The following GLG1 variants were observed in gnomAD, a reference collection of about 807,000 sequenced individuals.
GLG1 encodes the protein golgi glycoprotein 1.
A neutral mutation model predicts 160.5 loss-of-function variants in GLG1; 38 were observed. The observed-to-expected ratio is 0.24, with a 90% CI of 0.18 to 0.31. GLG1 has a LOEUF of 0.31. Ranked by LOEUF, GLG1 falls within the 10% of genes least tolerant of loss-of-function variation. The pLI is 1.00. For synonymous variants in GLG1, 644 were observed against 543.4 expected (o/e 1.19, Z -2.57); for missense variants, 1,373 against 1,505.2 (o/e 0.91, Z 1.45).
chr16:74,476,146 C>T (rs1567467505), intron 12 of GLG1, among the ~76,000 whole-genome samples: 9 of 151,858 alleles, frequency 5.9e-5, no homozygotes, highest in Admixed American at 4.6e-4. Flanking sequence ...CGTGCCACTG[C>T]ACTCCAGCAT....
rs745391132 is a variant in GLG1, at chr16:74,503,723, C to G, written c.582G>C (p.Pro194=). The G allele has an allele frequency of 1.2e-6, 2 of 1,611,704 alleles. No homozygotes were observed. The highest frequency in any genetic ancestry group is 3.3e-5 in the Admixed American group (2 of 60,008). ...AGGAAACCATGTAACCTTTTCCAAC[C>G]GGTTCATCAGCACATTCTTTAATCT... ...ITEIKECADE[P]VGKGYMVSCL... is the part of the protein sequence containing the mutation. The change falls in exon 4 of 26, where the codon CCG becomes CCC. Residue 194 remains proline (P), a synonymous_variant. Transcript: ENST00000422840.
chr16:74,483,116 G>C lies in GLG1; in HGVS notation c.1580C>G (p.Ser527Trp). 1.9e-6 allele frequency: 3 copies of C among 1,587,372 alleles called. No individual in the cohort carries two copies. The highest frequency in any genetic ancestry group is 1.7e-6 in the Non-Finnish European group (2 of 1,155,884). ...HIRSGDPMIL[S>W]CLMEHLYTEK... ...TGTGTATAAATGTTCCATCAGGCACGACAAGATCCTAGCCATTAAATGTGT... is the reference window on the plus strand; with the variant it reads ...TGTGTATAAATGTTCCATCAGGCACCACAAGATCCTAGCCATTAAATGTGT... The change falls in exon 10 of 26, where the codon TCG (serine) becomes TGG (tryptophan). Residue 527 changes from serine to tryptophan, a missense_variant. By Grantham distance (177) the Ser-to-Trp change is radical. Coordinates refer to ENST00000422840, the MANE Select transcript of GLG1 (RefSeq NM_001145667.2).
chr16:74,547,515 G>A (rs1434947776), intron 1 of GLG1, among the ~76,000 whole-genome samples: 1 of 152,194 alleles, frequency 6.6e-6, no homozygotes, highest in African/African-American at 2.4e-5. Flanking sequence ...TTTTGGAATA[G>A]TGAGGAAACA....
chr16:74,592,335 GT>G (rs960306365), intron 1 of GLG1, among the ~76,000 whole-genome samples: 1 of 152,070 alleles, frequency 6.6e-6, no homozygotes, highest in African/African-American at 2.4e-5. Context: ...TAGAGACAGG[GT>G]TTCCCCCATG....
At chr16:74,513,727 C>A (rs1597292502) in intron 2 of GLG1, among the ~76,000 whole-genome samples, 1 of 152,102 alleles carries the variant, frequency 6.6e-6, no homozygotes, top group African/African-American at 2.4e-5. Context: ...AACCAGAATG[C>A]CTCTTCTCCA....
intron 1 of GLG1, among the ~76,000 whole-genome samples, chr16:74,564,575 T>C (rs1427021141): frequency 6.6e-6 from 1 of 152,160 alleles, no homozygotes; most frequent in East Asian, 1.9e-4. Context: ...CCAAAACCTA[T>C]GAATAAAGTG....
intron 1 of GLG1, among the ~76,000 whole-genome samples, chr16:74,565,419 A>G (rs187043648): frequency 6.6e-6 from 1 of 152,348 alleles, no homozygotes; most frequent in East Asian, 1.9e-4. Flanking sequence ...ACATATTTTA[A>G]GTTCGGGCCT....
At chr16:74,489,957 T>C (rs915845544) in intron 8 of GLG1, among the ~76,000 whole-genome samples, 9 of 152,320 alleles carry the variant, frequency 5.9e-5, no homozygotes, top group Admixed American at 2.0e-4. Flanking sequence ...GAAAATAAAA[T>C]TCGAGTTGAT....
chr16:74,457,314 T>C (rs979113054), intron 24 of GLG1, among the ~76,000 whole-genome samples: 15 of 152,140 alleles, frequency 9.9e-5, no homozygotes, highest in Admixed American at 2.0e-4. Context: ...GGAAAATCAC[T>C]TGAACCCAGG....
At position 74,451,696 on chromosome 16, in the gene GLG1, GCT is replaced by G. The variant is rs2014312105; in HGVS notation, c.*1469_*1470del. 1 of 274,102 alleles carries G rather than the reference GCT, an allele frequency of 3.6e-6. No homozygotes were observed. The highest frequency in any genetic ancestry group is 7.2e-6 in the Non-Finnish European group (1 of 139,406). 17.0% of individuals were successfully genotyped at this position (274,102 alleles called of 1,614,324 possible). A position where few individuals can be genotyped will look rare whatever the true frequency, so the allele number is the denominator to read the frequency against. ...AAATGTCTCTCCTACTGTACACACT[GCT>G]CTCTTGTGCAGCCACTGTGATCTCA... On this transcript the variant is annotated 3_prime_UTR_variant, in exon 26 of 26. Transcript: ENST00000422840.
Position 74,448,354 on chromosome 16 carries a change from C to G in GLG1, c.*4813G>C, listed in dbSNP as rs1460221806. The G allele has an allele frequency of 6.6e-6, 1 of 152,174 alleles. No homozygotes were observed. The highest frequency in any genetic ancestry group is 1.5e-5 in the Non-Finnish European group (1 of 68,048). 9.4% of individuals were successfully genotyped at this position (152,174 alleles called of 1,614,324 possible). ...GGGAGGAAGGAAGTGTCCCTCAAGG[C>G]CTGAGAGAGACCCACAGCACCAGAT... On this transcript the variant is annotated 3_prime_UTR_variant, in exon 26 of 26. Transcript: ENST00000422840.
chr16:74,573,279 G>C (rs752214871), intron 1 of GLG1, among the ~76,000 whole-genome samples: 3 of 152,174 alleles, frequency 2.0e-5, no homozygotes, highest in Non-Finnish European at 2.9e-5. Context: ...AGGCAGATGA[G>C]AGATGCAAGA....
intron 1 of GLG1, among the ~76,000 whole-genome samples, chr16:74,574,883 C>CAAAAAAAAAAAAAAAAAAAAAA (rs531720341): frequency 1.2e-4 from 3 of 24,792 alleles, no homozygotes; most frequent in African/African-American, 2.5e-4. Flanking sequence ...GACTCTGTCT[C>CAAAAAAAAAAAAAAAAAAAAAA]AAAAAAAAAA....
intron 1 of GLG1, chr16:74,552,840 A>T (rs1162837555): frequency 2.0e-5 from 3 of 152,346 alleles, no homozygotes; most frequent in Non-Finnish European, 4.4e-5. Context: ...CTGTGGTTTG[A>T]TTCTGAATGT....
intron 1 of GLG1, among the ~76,000 whole-genome samples, chr16:74,595,883 GGAGGCCA>G (rs1958288764): frequency 1.3e-5 from 2 of 152,146 alleles, no homozygotes; most frequent in Admixed American, 1.3e-4. Context: ...CAGCACTTTG[GGAGGCCA>G]AGGCGGGTGG....
intron 12 of GLG1, among the ~76,000 whole-genome samples, 200 bp from the exon 13 acceptor site, chr16:74,474,832 C>T (rs1295816795): frequency 2.0e-5 from 3 of 152,152 alleles, no homozygotes; most frequent in South Asian, 2.1e-4. Context: ...CTTCATGTAG[C>T]AGGTTGGTTA....
rs2014354369 is a variant in GLG1, at chr16:74,452,512, G to C, written c.*655C>G. ...CATGGCTGTGGGGCTGTGACCAGCA[G>C]TGGCTGATTAGGGTGGAAACTGGAA... On this transcript the variant is annotated 3_prime_UTR_variant, in exon 26 of 26. Coordinates refer to ENST00000422840, the MANE Select transcript of GLG1 (RefSeq NM_001145667.2). 9.8e-7 allele frequency: 1 copy of C among 1,022,060 alleles called. No individual in the cohort carries two copies. Among genetic ancestry groups the C allele is most frequent in the African/African-American group, 1.7e-5 (1 of 59,232 alleles). The allele number at this position is 1,022,060 out of a possible 1,614,324, so 63.3% of individuals were successfully genotyped here.
intron 8 of GLG1, among the ~76,000 whole-genome samples, chr16:74,489,898 G>A (rs1031493301): frequency 1.3e-5 from 2 of 152,072 alleles, no homozygotes; most frequent in Admixed American, 1.3e-4. Context: ...GTTTCAGACC[G>A]CAAAGTTTTG....
intron 1 of GLG1, among the ~76,000 whole-genome samples, chr16:74,539,386 G>C (rs1273559222): frequency 6.6e-6 from 1 of 152,000 alleles, no homozygotes; most frequent in African/African-American, 2.4e-5. Context: ...TTTATCCCTG[G>C]TTCTTAAAAG....
Sources: gnomAD v4.1 joint callset for allele counts (sites outside exome capture counted in the v4.1 genomes callset) on GRCh38, gnomAD v4.1.1 for gene constraint, MANE v1.5 for transcripts, NCBI Gene and HGNC (gene_info 2026-07-23, HGNC 2026-07-21) for gene names.